PTPRN2: variants seen among roughly 807,000 people sequenced by gnomAD.
PTPRN2 encodes the protein protein tyrosine phosphatase receptor type N2.
Under a neutral mutation model 118.8 loss-of-function variants are expected in PTPRN2, and 74 were observed. That is an observed-to-expected ratio of 0.62 (90% CI 0.52 to 0.76). The LOEUF is 0.76. Ranked by LOEUF, PTPRN2 falls within the 30% of genes least tolerant of loss-of-function variation. The pLI, the probability that PTPRN2 is intolerant of heterozygous loss-of-function variation, is 0.00. For missense variants in PTPRN2, 1,481 were observed against 1,394.4 expected (o/e 1.06, Z -0.99); for synonymous variants, 641 against 608.0 (o/e 1.05, Z -0.80).
intron 3 of PTPRN2, among the ~76,000 whole-genome samples, chr7:158,292,195 C>T (rs1800168010): frequency 6.6e-6 from 1 of 152,198 alleles, no homozygotes; most frequent in East Asian, 1.9e-4. Flanking sequence ...TCTCAATTTC[C>T]TCCTCTGTTG....
chr7:157,937,572 C>T (rs1364082426), intron 11 of PTPRN2, among the ~76,000 whole-genome samples: 2 of 152,202 alleles, frequency 1.3e-5, no homozygotes, highest in Non-Finnish European at 2.9e-5. Context: ...CGAGTGCGGC[C>T]GCTCCACCTT....
At chr7:158,006,522 G>C (rs568431904) in intron 11 of PTPRN2, among the ~76,000 whole-genome samples, 2 of 152,360 alleles carry the variant, frequency 1.3e-5, no homozygotes, top group South Asian at 2.1e-4. Flanking sequence ...GCCAGGCAAA[G>C]ATCTGGCGAG....
At chr7:157,594,148 G>A (rs1585078724) in intron 17 of PTPRN2, among the ~76,000 whole-genome samples, 1 of 152,218 alleles carries the variant, frequency 6.6e-6, no homozygotes, top group Admixed American at 6.5e-5. Flanking sequence ...TCGGAAACCC[G>A]GATCTGTTCC....
rs372569816 is a variant in PTPRN2, at chr7:158,110,903, G to C, written c.1569C>G (p.Pro523=). The C allele has an allele frequency of 6.4e-7, 1 of 1,564,664 alleles. No individual in the cohort carries two copies. The highest frequency in any genetic ancestry group is 8.7e-7 in the Non-Finnish European group (1 of 1,155,884). The change falls in exon 10 of 23, where the codon CCC becomes CCG. Residue 523 remains proline, a synonymous_variant. Transcript: ENST00000389418. ...CCTCCACCAGCCGCCTTCCTTCCTC[G>C]GGGCGCAGGGGGCTGCGGATGACAG... The part of the protein sequence containing the change: ...YIVTDRDPLR[P]EEGRRLVEDV...
intron 11 of PTPRN2, among the ~76,000 whole-genome samples, chr7:158,046,125 C>T (rs1182787284): frequency 2.7e-5 from 4 of 147,150 alleles, no homozygotes; most frequent in African/African-American, 5.1e-5. Context: ...GTGATCCTGG[C>T]GTCCTGACAC....
chr7:157,931,712 T>C (rs79773677), intron 11 of PTPRN2, among the ~76,000 whole-genome samples: 86 of 150,290 alleles, frequency 5.7e-4, no homozygotes, highest in African/African-American at 2.0e-3. Context: ...CAGTTAGAGG[T>C]GTAGCTTTGG....
chr7:158,415,675 TG>T (rs1173152498), intron 2 of PTPRN2, among the ~76,000 whole-genome samples: 1 of 151,872 alleles, frequency 6.6e-6, no homozygotes, highest in Non-Finnish European at 1.5e-5. Context: ...CACCCTACAA[TG>T]GCTCATTAAT....
chr7:158,585,371 A>T (rs1440562886), intron 1 of PTPRN2, among the ~76,000 whole-genome samples: 2 of 152,182 alleles, frequency 1.3e-5, no homozygotes, highest in Admixed American at 1.3e-4. Context: ...GCAGTTTCCA[A>T]TTACCTGAGA....
At position 157,611,848 on chromosome 7, in the gene PTPRN2, G is replaced by A. The variant is rs1052098402; in HGVS notation, c.2345-7773C>T. Among the ~76,000 whole-genome samples, 4 of 142,746 alleles carry A rather than the reference G, an allele frequency of 2.8e-5. No individual in the cohort carries two copies. The highest frequency in any genetic ancestry group is 4.2e-4 in the East Asian group (2 of 4,730). 93.6% of individuals were successfully genotyped at this position (142,746 alleles called of 152,430 possible). The stretch of plus-strand genomic sequence containing the variant: ...ACAGCCGCAGTCATGCTGGGGACAC[G>A]CGGAGGGAGAGCGCCCGTGTGAAGA... On this transcript the variant is annotated intron_variant, in intron 15 of 22. Coordinates refer to ENST00000389418, the MANE Select transcript of PTPRN2 (RefSeq NM_002847.5). The surrounding 1 kb of genome is among the most constrained non-coding windows in gnomAD (Gnocchi z 5.9).
chr7:158,521,106 C>T (rs1229714812), intron 1 of PTPRN2, among the ~76,000 whole-genome samples: 1 of 152,238 alleles, frequency 6.6e-6, no homozygotes, highest in Non-Finnish European at 1.5e-5. Context: ...TGACTTCCTG[C>T]CCCAGCTGGA....
intron 2 of PTPRN2, among the ~76,000 whole-genome samples, chr7:158,359,112 G>A (rs941334376): frequency 1.2e-4 from 18 of 152,182 alleles, no homozygotes; most frequent in Non-Finnish European, 2.5e-4. Flanking sequence ...GGCAGCATCT[G>A]GGAGGCCCCA....
In PTPRN2 at chr7:157,953,063, C is replaced by T. The variant is rs1463455174; in HGVS notation, c.1724-54326G>A. On this transcript the variant is annotated intron_variant, in intron 11 of 22. Transcript: ENST00000389418. This position sits in a 1 kb window ranked among gnomAD's most constrained non-coding sequence, Gnocchi z 4.6. ...CTGTCCAGTGCCAGGAACCACCTGA[C>T]CACAGGGTGAGCCGTCCAGTGCCAG... Among the ~76,000 whole-genome samples the T allele has an allele frequency of 2.0e-5, 3 of 152,186 alleles. No individual in the cohort carries two copies. The East Asian group carries it at 5.8e-4, about 29-fold the overall frequency.
rs960992301 is a variant in PTPRN2 at position 157,780,190 on chromosome 7, G to C, written c.1789-97253C>G. On this transcript the variant is annotated intron_variant, in intron 12 of 22. Coordinates refer to ENST00000389418, the MANE Select transcript of PTPRN2 (RefSeq NM_002847.5). This position sits in a 1 kb window ranked among gnomAD's most constrained non-coding sequence, Gnocchi z 4.5. ...CTATTAAAGAATTAGCCTCTGGGCC[G>C]TGTGTCCTCCTGGTCTACCTCCAGC... Among the ~76,000 whole-genome samples, 1 of 152,126 alleles carries C rather than the reference G, an allele frequency of 6.6e-6. No individual in the cohort carries two copies.
chr7:158,459,384 T>C (rs1818789668), intron 2 of PTPRN2, among the ~76,000 whole-genome samples: 1 of 147,568 alleles, frequency 6.8e-6, no homozygotes, highest in East Asian at 2.0e-4. Flanking sequence ...ACGAACGGGC[T>C]CCAGAATCCA....
At chr7:158,001,990 T>A (rs894079587) in intron 11 of PTPRN2, among the ~76,000 whole-genome samples, 1 of 152,176 alleles carries the variant, frequency 6.6e-6, no homozygotes, top group African/African-American at 2.4e-5. Context: ...GTTGTTTCAG[T>A]GGAGACGATG....
chr7:158,570,477 G>C lies in PTPRN2; in HGVS notation c.112+17081C>G, dbSNP rs1827957922. Among the ~76,000 whole-genome samples, 1 of 152,174 alleles carries C rather than the reference G, an allele frequency of 6.6e-6. No homozygotes were observed. The highest frequency in any genetic ancestry group is 6.5e-5 in the Admixed American group (1 of 15,282). ...ACGGACTCTGCACCGTGAGAAAGCG[G>C]CTTCGGCAGCTCCGACCCCTCAACT... On this transcript the variant is annotated intron_variant, in intron 1 of 22. Transcript: ENST00000389418. This position sits in a 1 kb window ranked among gnomAD's most constrained non-coding sequence, Gnocchi z 4.5.
chr7:158,117,773 AC>A (rs1816842885), intron 9 of PTPRN2, among the ~76,000 whole-genome samples: 1 of 134,928 alleles, frequency 7.4e-6, no homozygotes, highest in African/African-American at 2.8e-5. Flanking sequence ...TCCAAGTGCT[AC>A]AGGAAAAGAA....
chr7:158,282,810 G>A (rs1337074828), intron 3 of PTPRN2, among the ~76,000 whole-genome samples: 13 of 140,488 alleles, frequency 9.3e-5, no homozygotes, highest in Non-Finnish European at 1.7e-4. Flanking sequence ...ATCCCTCCTC[G>A]TGCTCCCACA....
rs536345848 is a variant in PTPRN2 at position 157,652,428 on chromosome 7, C to T, written c.2196+3929G>A. 1.3e-3 allele frequency among the ~76,000 whole-genome samples: 196 copies of T among 152,334 alleles called. 1 individual carries two copies. In the Middle Eastern group the frequency reaches 0.02, roughly 16 times the overall value. On this transcript the variant is annotated intron_variant, in intron 14 of 22. Transcript: ENST00000389418. ...TGGAGGTCTGTCCTGGGACACAGCA[C>T]CTGCAACAGCAAAGCGTCTCAGCTC...
Sources: gnomAD v4.1 joint callset for allele counts (sites outside exome capture counted in the v4.1 genomes callset) on GRCh38, gnomAD v4.1.1 for gene constraint, Gnocchi (gnomAD v3.1) non-coding constraint, MANE v1.5 for transcripts, NCBI Gene and HGNC (gene_info 2026-07-23, HGNC 2026-07-21) for gene names.